Variants in PREPL observed in about 807,000 individuals in gnomAD.
The protein encoded by PREPL is prolyl endopeptidase like, also known as prolyl endopeptidase-like.
Under a neutral mutation model 70.6 loss-of-function variants are expected in PREPL, and 77 were observed. The ratio of observed to expected loss-of-function variants is 1.09; its 90% CI spans 0.91 to 1.32. The LOEUF (loss-of-function observed/expected upper bound fraction) is 1.32. Among genes scored for constraint, PREPL ranks in the 40% most tolerant of loss-of-function variants. The probability of loss-of-function intolerance (pLI) is 0.00; values close to 1 mark genes in which losing one functional copy is unlikely to be tolerated. For missense variants in PREPL, 1,002 were observed against 778.2 expected (o/e 1.29, Z -3.42); for synonymous variants, 315 against 264.8 (o/e 1.19, Z -1.84).
Position 44,326,740 on chromosome 2 carries a change from G to C in PREPL, c.1451C>G (p.Pro484Arg), listed in dbSNP as rs761148648. Residue 484 changes from proline to arginine, a missense_variant, in exon 10 of 14, where the codon CCA becomes CGA. Physicochemically the swap from Pro to Arg is moderately radical, Grantham distance 103. Coordinates refer to ENST00000409411, the MANE Select transcript of PREPL (RefSeq NM_001171613.2). ...CAAAGTCACCGCTCTCACCAGCTCT[G>C]GATTAGAATTACACAATGCTCCTGC... The part of the protein sequence containing the change: ...VLAGALCNSN[P>R]ELVRAVTLEA... The C allele has an allele frequency of 1.2e-6, 2 of 1,614,020 alleles. No homozygotes were observed. Among genetic ancestry groups the C allele is most frequent in the Non-Finnish European group, 1.7e-6 (2 of 1,179,980 alleles).
At chr2:44,336,492 A>G (rs536200980) in intron 7 of PREPL, among the ~76,000 whole-genome samples, 2 of 152,174 alleles carry the variant, frequency 1.3e-5, no homozygotes, top group Non-Finnish European at 2.9e-5. Context: ...CATTGTGTCC[A>G]CATGGACACA....
At chr2:44,323,197 T>G in intron 11 of PREPL, 65 bp downstream of exon 11, 4 of 1,445,872 alleles carry the variant, frequency 2.8e-6, no homozygotes, top group Non-Finnish European at 3.7e-6. Flanking sequence ...TCAGCTTGGA[T>G]AAGTTTTTTT....
At chr2:44,351,526 A>C (rs936051370) in intron 1 of PREPL, among the ~76,000 whole-genome samples, 5 of 152,066 alleles carry the variant, frequency 3.3e-5, no homozygotes, top group South Asian at 2.1e-4. Flanking sequence ...AAAAAAAAAA[A>C]AACAAAACCC....
rs563175159 is a variant in PREPL, at chr2:44,318,356, G to C, written c.*3000C>G. ...ATCTGTCTGCCTTGCCTCCCAAAGT[G>C]CTAGGATTACGGGCCTGAGCCACCT... On this transcript the variant is annotated 3_prime_UTR_variant, in exon 14 of 14. Transcript: ENST00000409411. The C allele has an allele frequency of 9.7e-5, 18 of 184,920 alleles. No individual in the cohort carries two copies. The East Asian group carries it at 3.0e-3, about 31-fold the overall frequency. The allele number at this position is 184,920 out of a possible 1,614,324, so 11.5% of individuals were successfully genotyped here.
At chr2:44,333,886 G>C (rs1572869489) in intron 7 of PREPL, among the ~76,000 whole-genome samples, 2 of 152,174 alleles carry the variant, frequency 1.3e-5, no homozygotes, top group Admixed American at 1.3e-4. Context: ...CTCAGAGCGA[G>C]GGTACAAGGT....
rs1672864277 is a variant in PREPL, at chr2:44,320,704, C to T, written c.*652G>A. The T allele has an allele frequency of 1.7e-6, 2 of 1,167,628 alleles. No homozygotes were observed. The highest frequency in any genetic ancestry group is 2.6e-6 in the Non-Finnish European group (2 of 775,350). 72.3% of individuals were successfully genotyped at this position (1,167,628 alleles called of 1,614,324 possible). A position where few individuals can be genotyped will look rare whatever the true frequency, so the allele number is the denominator to read the frequency against. On this transcript the variant is annotated 3_prime_UTR_variant, in exon 14 of 14. Coordinates refer to ENST00000409411, the MANE Select transcript of PREPL (RefSeq NM_001171613.2). ...GGATTGTAAGCATTTGTAATAGCTT[C>T]ATGTACAGCATGCTGCTTGGTGAAC...
chr2:44,334,607 G>A (rs747793276), intron 7 of PREPL, among the ~76,000 whole-genome samples: 4 of 152,128 alleles, frequency 2.6e-5, no homozygotes, highest in East Asian at 1.9e-4. Context: ...ATGCAGTGGC[G>A]TGATCTCGGC....
intron 1 of PREPL, among the ~76,000 whole-genome samples, chr2:44,354,823 C>T (rs918971428): frequency 6.6e-6 from 1 of 152,194 alleles, no homozygotes; most frequent in Non-Finnish European, 1.5e-5. Flanking sequence ...GCAATCCACC[C>T]GCCTCAGCCT....
intron 1 of PREPL, among the ~76,000 whole-genome samples, chr2:44,357,924 C>A (rs1198046046): frequency 6.6e-6 from 1 of 151,992 alleles, no homozygotes. Flanking sequence ...AAGTACTAAA[C>A]TAAGGCAAGA....
chr2:44,336,000 C>G (rs145888864), intron 7 of PREPL, among the ~76,000 whole-genome samples: 1 of 151,824 alleles, frequency 6.6e-6, no homozygotes, highest in African/African-American at 2.4e-5. Context: ...TAAACCACAA[C>G]GAGATACCAT....
At chr2:44,338,815 C>T (rs1044300903) in intron 6 of PREPL, among the ~76,000 whole-genome samples, 3 of 152,278 alleles carry the variant, frequency 2.0e-5, no homozygotes, top group East Asian at 1.9e-4. Context: ...CATCAGTGAG[C>T]TTAGCTGATA....
intron 2 of PREPL, 117 bp downstream of exon 2, chr2:44,346,151 A>T: frequency 1.1e-6 from 1 of 926,362 alleles, no homozygotes; most frequent in Non-Finnish European, 1.6e-6. Context: ...AGCATATTTT[A>T]AAGGCCAAAA....
At chr2:44,361,675 T>A (rs988110984), upstream of PREPL, 3 of 290,804 alleles carry the variant, frequency 1.0e-5, no homozygotes, top group Non-Finnish European at 1.3e-5. Flanking sequence ...GACTTTTCGT[T>A]CTTCGCTAGT....
At chr2:44,354,430 T>C (rs750223992) in intron 1 of PREPL, among the ~76,000 whole-genome samples, 2 of 152,154 alleles carry the variant, frequency 1.3e-5, no homozygotes, top group Admixed American at 1.3e-4. Flanking sequence ...GATGTAGTAA[T>C]AGCAGAGAGG....
At chr2:44,344,815 G>A (rs1303350409) in intron 2 of PREPL, among the ~76,000 whole-genome samples, 1 of 152,048 alleles carries the variant, frequency 6.6e-6, no homozygotes, top group Non-Finnish European at 1.5e-5. Flanking sequence ...ATAAATACAA[G>A]AGGCAATAAA....
rs186531791 is a variant in PREPL, at chr2:44,353,066, G to C, written c.-48-6676C>G. On this transcript the variant is annotated intron_variant, in intron 1 of 13. Coordinates refer to ENST00000409411, the MANE Select transcript of PREPL (RefSeq NM_001171613.2). ...GCTTCAGACCAGCCTGGGCAACATA[G>C]CAAGACTCTGTCTCTATTTAAAAAA... Among the ~76,000 whole-genome samples the C allele has an allele frequency of 1.8e-4, 27 of 152,134 alleles. No individual in the cohort carries two copies. The East Asian group carries it at 5.0e-3, about 28-fold the overall frequency.
At chr2:44,358,685 A>C (rs1677316967) in intron 1 of PREPL, among the ~76,000 whole-genome samples, 1 of 152,110 alleles carries the variant, frequency 6.6e-6, no homozygotes, top group Non-Finnish European at 1.5e-5. Context: ...TTATGTGGTT[A>C]CTCTCTATAT....
rs374056962 is a variant in PREPL, at chr2:44,343,949, C to T, written c.145G>A (p.Asp49Asn). The T allele has an allele frequency of 2.0e-5, 32 of 1,613,082 alleles. No homozygotes were observed. Among genetic ancestry groups the T allele is most frequent in the Non-Finnish European group, 2.7e-5 (32 of 1,179,734 alleles). The change falls in exon 4 of 14, where the codon GAC (aspartate) becomes AAC (asparagine). Residue 49 changes from aspartate (D) to asparagine (N), a missense_variant and splice_region_variant. Asp to Asn is a conservative substitution (Grantham distance 23). Coordinates refer to ENST00000409411, the MANE Select transcript of PREPL (RefSeq NM_001171613.2). ...AATAAAACTTCATAATTATCATTGT[C>T]TGCTGTATAAAGAAAAATACGAAAG... ...CLVRSKDEEA[D>N]NDNYEVLFNL...
intron 5 of PREPL, 67 bp from the exon 6 acceptor site, chr2:44,339,430 G>GT: frequency 6.3e-7 from 1 of 1,578,524 alleles, no homozygotes; most frequent in Non-Finnish European, 8.6e-7. Flanking sequence ...GTTAAGGACA[G>GT]TATCTCAGAG....
Sources: gnomAD v4.1 joint callset for allele counts (sites outside exome capture counted in the v4.1 genomes callset) on GRCh38, gnomAD v4.1.1 for gene constraint, MANE v1.5 for transcripts, NCBI Gene and HGNC (gene_info 2026-07-23, HGNC 2026-07-21) for gene names.